Variants in ZNF385D observed in about 807,000 individuals in gnomAD.
The protein encoded by ZNF385D is zinc finger protein 385D, also known as zinc finger protein 659.
A neutral mutation model predicts 35.8 loss-of-function variants in ZNF385D; 15 were observed. The ratio of observed to expected loss-of-function variants is 0.42; its 90% confidence interval spans 0.28 to 0.64. ZNF385D has a LOEUF of 0.64. ZNF385D is among the 30% of genes least tolerant of loss of function. ZNF385D has a pLI of 0.23. For synonymous variants in ZNF385D, 212 were observed against 186.8 expected (o/e 1.13, Z -1.10); for missense variants, 474 against 494.6 (o/e 0.96, Z 0.39).
intron 2 of ZNF385D, among the ~76,000 whole-genome samples, chr3:22,343,558 C>T (rs189491739): frequency 6.6e-6 from 1 of 150,642 alleles, no homozygotes; most frequent in East Asian, 1.9e-4. Flanking sequence ...AGAGAGAATC[C>T]TACTGACTGT....
intron 3 of ZNF385D, among the ~76,000 whole-genome samples, chr3:21,528,571 G>A (rs1286664516): frequency 1.3e-5 from 2 of 152,112 alleles, no homozygotes; most frequent in African/African-American, 2.4e-5. Flanking sequence ...GGAAGGTACT[G>A]GATTCCTGAA....
intron 4 of ZNF385D, among the ~76,000 whole-genome samples, chr3:21,443,797 AT>A (rs35070815): frequency 0.013 from 1,989 of 152,272 alleles, 48 homozygotes; most frequent in African/African-American, 0.046. Flanking sequence ...TTTGAACTAA[AT>A]TTCCCAAGCC....
chr3:22,097,093 T>G (rs1026663724), intron 3 of ZNF385D, among the ~76,000 whole-genome samples: 8 of 148,710 alleles, frequency 5.4e-5, no homozygotes, highest in Non-Finnish European at 9.1e-5. Context: ...TCATGAGAAA[T>G]GAATTGTCCA....
At chr3:22,197,619 C>G (rs773537990) in intron 2 of ZNF385D, among the ~76,000 whole-genome samples, 15 of 152,064 alleles carry the variant, frequency 9.9e-5, no homozygotes, top group Non-Finnish European at 1.5e-4. Flanking sequence ...AGGTGAAAGT[C>G]TGGAGCTCTA....
rs116911129 is a variant in ZNF385D at position 22,293,224 on chromosome 3, T to C, written c.106+79226A>G. On this transcript the variant is annotated intron_variant, in intron 2 of 5. Coordinates refer to the ZNF385D transcript ENST00000494108. ...ATGTGTCATAATAATTTCATTACTT[T>C]GGAGAGCAAGCCCCATTATTAGGGC... is the stretch of plus-strand genomic sequence containing the variant. Among the ~76,000 whole-genome samples the C allele has an allele frequency of 4.2e-4, 64 of 152,238 alleles. No individual in the cohort carries two copies. The East Asian group carries it at 0.01, about 24-fold the overall frequency.
chr3:21,847,183 G>C (rs1028825310), intron 3 of ZNF385D, among the ~76,000 whole-genome samples: 1 of 151,848 alleles, frequency 6.6e-6, no homozygotes, highest in Non-Finnish European at 1.5e-5. Flanking sequence ...ATTTTGATGA[G>C]TCATATATTT....
chr3:21,851,144 T>C (rs1342738850), intron 3 of ZNF385D, among the ~76,000 whole-genome samples: 1 of 151,728 alleles, frequency 6.6e-6, no homozygotes, highest in Non-Finnish European at 1.5e-5. Flanking sequence ...GGAAAGTACA[T>C]TAAAAAAGAA....
At chr3:22,013,616 G>A (rs1033501150) in intron 3 of ZNF385D, among the ~76,000 whole-genome samples, 1 of 152,094 alleles carries the variant, frequency 6.6e-6, no homozygotes, top group Admixed American at 6.6e-5. Flanking sequence ...TCGACCACTA[G>A]GATTAGGTAG....
chr3:21,912,864 G>T (rs1207209678), intron 3 of ZNF385D, among the ~76,000 whole-genome samples: 1 of 152,014 alleles, frequency 6.6e-6, no homozygotes, highest in Non-Finnish European at 1.5e-5. Context: ...ACAGCATTTG[G>T]CTGTCTCCCA....
At chr3:22,003,437 G>T (rs1695984950) in intron 3 of ZNF385D, among the ~76,000 whole-genome samples, 2 of 152,156 alleles carry the variant, frequency 1.3e-5, no homozygotes, top group Admixed American at 1.3e-4. Flanking sequence ...GACACTAACA[G>T]ATGGAAAGAC....
chr3:21,677,484 T>C (rs2066765205), intron 1 of ZNF385D, among the ~76,000 whole-genome samples: 1 of 152,060 alleles, frequency 6.6e-6, no homozygotes, highest in African/African-American at 2.4e-5. Context: ...GCCACAGAAA[T>C]TGCATCTGAT....
At chr3:21,504,961 G>A (rs1706662393) in intron 4 of ZNF385D, among the ~76,000 whole-genome samples, 1 of 152,070 alleles carries the variant, frequency 6.6e-6, no homozygotes, top group African/African-American at 2.4e-5. Flanking sequence ...AGAGGCTAGG[G>A]CAAATGTATG....
chr3:21,923,904 C>G (rs988848793), intron 3 of ZNF385D, among the ~76,000 whole-genome samples: 1 of 151,962 alleles, frequency 6.6e-6, no homozygotes, highest in Non-Finnish European at 1.5e-5. Flanking sequence ...ACATAATGTG[C>G]CCATGTAACA....
At chr3:22,034,877 T>C (rs1175980071) in intron 3 of ZNF385D, among the ~76,000 whole-genome samples, 1 of 152,170 alleles carries the variant, frequency 6.6e-6, no homozygotes, top group Non-Finnish European at 1.5e-5. Context: ...ATAAAAAATA[T>C]CTAAAAGTCA....
At chr3:22,185,214 CAAT>C (rs1695549007) in intron 2 of ZNF385D, among the ~76,000 whole-genome samples, 1 of 151,902 alleles carries the variant, frequency 6.6e-6, no homozygotes, top group African/African-American at 2.4e-5. Context: ...ATGTATAGAT[CAAT>C]AATAACGGGA....
intron 3 of ZNF385D, among the ~76,000 whole-genome samples, chr3:21,962,088 G>C (rs1439550201): frequency 6.6e-6 from 1 of 152,028 alleles, no homozygotes; most frequent in African/African-American, 2.4e-5. Context: ...GTCTTTCAAA[G>C]GTCCATCTCA....
At chr3:21,529,568 G>A (rs233147) in intron 3 of ZNF385D, among the ~76,000 whole-genome samples, 26,565 of 151,636 alleles carry the variant, frequency 0.18, 2,384 homozygotes, top group Admixed American at 0.25. Context: ...TCCATCTTAC[G>A]TAAATTTTAT....
intron 1 of ZNF385D, among the ~76,000 whole-genome samples, chr3:21,688,979 G>A (rs918250081): frequency 6.6e-6 from 1 of 151,902 alleles, no homozygotes; most frequent in Non-Finnish European, 1.5e-5. Flanking sequence ...AAATACATAA[G>A]CCAAGAAAAC....
chr3:21,910,054 C>T (rs976842295), intron 3 of ZNF385D, among the ~76,000 whole-genome samples: 1 of 148,008 alleles, frequency 6.8e-6, no homozygotes, highest in Non-Finnish European at 1.5e-5. Context: ...TATGTATAGT[C>T]CCAATTAGCT....
Sources: allele counts gnomAD v4.1 joint callset (sites outside exome capture counted in the v4.1 genomes callset), GRCh38; gene constraint gnomAD v4.1.1; transcripts MANE v1.5; gene names NCBI Gene and HGNC (gene_info 2026-07-23, HGNC 2026-07-21).